PAPSS1: variants seen among roughly 807,000 people sequenced by gnomAD.
PAPSS1 encodes the protein bifunctional 3'-phosphoadenosine 5'-phosphosulfate synthase 1.
Under a neutral mutation model 72.0 loss-of-function variants are expected in PAPSS1, and 50 were observed. That is an observed-to-expected ratio of 0.69 (90% CI 0.55 to 0.88). The LOEUF (loss-of-function observed/expected upper bound fraction) is 0.88. Among genes scored for constraint, PAPSS1 ranks in the 40% least tolerant of loss-of-function variants. The pLI, the probability that PAPSS1 is intolerant of heterozygous loss-of-function variation, is 0.00. For synonymous variants in PAPSS1, 261 were observed against 263.6 expected (o/e 0.99, Z 0.09); for missense variants, 657 against 782.2 (o/e 0.84, Z 1.91).
At chr4:107,633,589 G>A (rs568838892) in intron 10 of PAPSS1, among the ~76,000 whole-genome samples, 1 of 152,042 alleles carries the variant, frequency 6.6e-6, no homozygotes, top group Non-Finnish European at 1.5e-5. Flanking sequence ...TATCTGGGGT[G>A]GGGGGTGGTG....
Position 107,644,907 on chromosome 4 carries a change from C to T in PAPSS1, c.1401G>A (p.Trp467Ter), listed in dbSNP as rs767178112. Residue 467 changes from tryptophan (W) to a stop codon, truncating the protein, a stop_gained, in exon 10 of 12, where the codon TGG becomes TGA. Coordinates refer to ENST00000265174, the MANE Select transcript of PAPSS1 (RefSeq NM_005443.5). LOFTEE classifies it high-confidence loss of function. ...WTKDDDVPLM[W>*]RMKQHAAVLE... ...ACACTGCAGCATGCTGCTTCATACG[C>T]CACATCAAAGGAACATCGTCATCCT... is the stretch of plus-strand genomic sequence containing the variant. 2 of 1,613,936 alleles carry T rather than the reference C, an allele frequency of 1.2e-6. No homozygotes were observed. Among genetic ancestry groups the T allele is most frequent in the Non-Finnish European group, 1.7e-6 (2 of 1,179,948 alleles).
At chr4:107,692,989 A>G (rs1722974639) in intron 3 of PAPSS1, among the ~76,000 whole-genome samples, 5 of 152,044 alleles carry the variant, frequency 3.3e-5, no homozygotes, top group Admixed American at 3.3e-4. Flanking sequence ...CACACTGATG[A>G]CTGTTGTGGT....
intron 9 of PAPSS1, among the ~76,000 whole-genome samples, chr4:107,652,129 C>T (rs936541504): frequency 1.3e-5 from 2 of 152,114 alleles, no homozygotes; most frequent in Non-Finnish European, 2.9e-5. Context: ...CAGCTATATA[C>T]CCCAAAAAGG....
At chr4:107,619,004 C>T (rs1405769808) in intron 11 of PAPSS1, among the ~76,000 whole-genome samples, 1 of 152,136 alleles carries the variant, frequency 6.6e-6, no homozygotes, top group East Asian at 1.9e-4. Flanking sequence ...AAATAAGCTT[C>T]ATTTTGAAAA....
At chr4:107,634,592 C>T (rs74621849) in intron 10 of PAPSS1, among the ~76,000 whole-genome samples, 6,083 of 151,930 alleles carry the variant, frequency 0.04, 187 homozygotes, top group Middle Eastern at 0.078. Flanking sequence ...TAAAATAAAC[C>T]CAAAGAAATA....
intron 9 of PAPSS1, among the ~76,000 whole-genome samples, chr4:107,650,046 G>C (rs1425278052): frequency 1.6e-4 from 24 of 152,228 alleles, no homozygotes; most frequent in Admixed American, 1.6e-3. Context: ...TGATAGTGCT[G>C]TGCACAGGAC....
At chr4:107,714,987 C>T (rs1318903981) in intron 1 of PAPSS1, among the ~76,000 whole-genome samples, 1 of 151,666 alleles carries the variant, frequency 6.6e-6, no homozygotes, top group East Asian at 1.9e-4. Flanking sequence ...TTCTTGGGAA[C>T]AGAGTAAAAA....
chr4:107,655,190 CA>C (rs938552419), intron 7 of PAPSS1, among the ~76,000 whole-genome samples: 5 of 147,674 alleles, frequency 3.4e-5, no homozygotes, highest in African/African-American at 1.2e-4. Context: ...ATAAGTAAAA[CA>C]AACTGTTTAA....
chr4:107,712,591 G>A (rs1723520885), intron 1 of PAPSS1, among the ~76,000 whole-genome samples: 1 of 152,170 alleles, frequency 6.6e-6, no homozygotes, highest in East Asian at 1.9e-4. Flanking sequence ...TAAAGAAGAT[G>A]TGGCCGGGCG....
intron 4 of PAPSS1, among the ~76,000 whole-genome samples, chr4:107,686,794 G>T (rs373869987): frequency 6.6e-6 from 1 of 152,100 alleles, no homozygotes; most frequent in Non-Finnish European, 1.5e-5. Flanking sequence ...GTAGGTTTTC[G>T]CCAACTCCCG....
At chr4:107,620,979 T>A (rs948941634) in intron 11 of PAPSS1, among the ~76,000 whole-genome samples, 1 of 152,192 alleles carries the variant, frequency 6.6e-6, no homozygotes, top group Admixed American at 6.5e-5. Context: ...GGTCAATGAC[T>A]AGACACAGCT....
chr4:107,625,721 G>A (rs903384240), intron 11 of PAPSS1, among the ~76,000 whole-genome samples: 1 of 152,002 alleles, frequency 6.6e-6, no homozygotes, highest in Non-Finnish European at 1.5e-5. Flanking sequence ...ACGCAACAAC[G>A]AAAAACTAAT....
At chr4:107,696,441 G>C (rs956166480) in intron 2 of PAPSS1, among the ~76,000 whole-genome samples, 23 of 152,132 alleles carry the variant, frequency 1.5e-4, no homozygotes, top group African/African-American at 5.6e-4. Flanking sequence ...GACGGAGCTG[G>C]AAGCCATCAT....
chr4:107,687,125 T>C lies in PAPSS1; in HGVS notation c.464A>G (p.Glu155Gly). The C allele has an allele frequency of 6.3e-7, 1 of 1,599,752 alleles. No homozygotes were observed. Among genetic ancestry groups the C allele is most frequent in the Non-Finnish European group, 8.5e-7 (1 of 1,175,392 alleles). The part of the protein sequence containing the change: ...IHEGASLPFF[E>G]VFVDAPLHVC... ...ATGCAGAGGAGCATCAACAAATACTTCAAAAAACGGTAAACTTGCACCTTC... is the reference window on the plus strand; with the variant it reads ...ATGCAGAGGAGCATCAACAAATACTCCAAAAAACGGTAAACTTGCACCTTC... Residue 155 changes from glutamate (E) to glycine (G), a missense_variant, in exon 4 of 12, where the codon GAA (glutamate) becomes GGA (glycine). Glu to Gly is a moderately conservative substitution (Grantham distance 98). This residue lies in a region of PAPSS1 where 119 missense variants were observed against 171.1 expected (regional missense o/e 0.70). Transcript: ENST00000265174.
At chr4:107,652,750 T>C (rs1560573024) in intron 9 of PAPSS1, among the ~76,000 whole-genome samples, 1 of 152,226 alleles carries the variant, frequency 6.6e-6, no homozygotes, top group African/African-American at 2.4e-5. Flanking sequence ...ATGTTAGGCT[T>C]AACCAGCTGA....
At chr4:107,685,126 G>A (rs189705485) in intron 4 of PAPSS1, among the ~76,000 whole-genome samples, 66 of 152,196 alleles carry the variant, frequency 4.3e-4, no homozygotes, top group African/African-American at 1.5e-3. Context: ...GGATGGTCTC[G>A]AATCTCTTCA....
At chr4:107,701,343 C>G (rs894750719) in intron 1 of PAPSS1, 58 bp from the exon 2 acceptor site, 2 of 1,046,132 alleles carry the variant, frequency 1.9e-6, no homozygotes, top group Non-Finnish European at 2.9e-6. Context: ...AAGGCAAACA[C>G]ATATTCCTTG....
chr4:107,697,590 A>G (rs947456071), intron 2 of PAPSS1, among the ~76,000 whole-genome samples: 4 of 152,240 alleles, frequency 2.6e-5, no homozygotes, highest in Non-Finnish European at 4.4e-5. Flanking sequence ...ATTTAATTTG[A>G]AACAAATAAG....
intron 1 of PAPSS1, chr4:107,719,831 TG>T: frequency 7.8e-7 from 1 of 1,287,586 alleles, no homozygotes. Flanking sequence ...AGGATTTTCC[TG>T]GGGGTCTTAC....
Sources: gnomAD v4.1 joint callset for allele counts (sites outside exome capture counted in the v4.1 genomes callset) on GRCh38, gnomAD v4.1.1 for gene constraint, gnomAD v4.1.1 regional missense constraint, MANE v1.5 for transcripts, NCBI Gene and HGNC (gene_info 2026-07-23, HGNC 2026-07-21) for gene names.